SMG6: variants seen among roughly 807,000 people sequenced by gnomAD.
SMG6 encodes SMG6 nonsense mediated mRNA decay factor, also known as telomerase-binding protein EST1A.
A neutral mutation model predicts 142.2 loss-of-function variants in SMG6; 66 were observed. That is an observed-to-expected ratio of 0.46 (90% CI 0.38 to 0.57). The LOEUF is 0.57. SMG6 is among the 20% of genes least tolerant of loss of function. The pLI is 0.00. For synonymous variants in SMG6, 779 were observed against 702.4 expected, an observed-to-expected ratio of 1.11 and a Z score of -1.72; for missense variants, 1,793 against 1,832.0, an observed-to-expected ratio of 0.98 and a Z score of 0.39.
At chr17:2,243,510 A>C (rs981688135) in intron 9 of SMG6, among the ~76,000 whole-genome samples, 1 of 152,146 alleles carries the variant, frequency 6.6e-6, no homozygotes, top group Admixed American at 6.5e-5. Context: ...GTGAAACCCC[A>C]TCTCTGCTAA....
In SMG6 at chr17:2,297,039, GAAAA is replaced by G. The variant is rs1324646421; in HGVS notation, c.2151+200_2151+203del. Reference sequence around the variant, plus strand: ...AAAAAAAAAAAAAGAAAGAAAGAAAGAAAAAAGGCTGGGGAGCACTGCTATATAC... The same window carrying G: ...AAAAAAAAAAAAAGAAAGAAAGAAAGAAGGCTGGGGAGCACTGCTATATAC... On this transcript the variant is annotated intron_variant, in intron 4 of 18. Transcript: ENST00000263073. Among the ~76,000 whole-genome samples the G allele has an allele frequency of 2.8e-5, 4 of 144,262 alleles. No homozygotes were observed. In the East Asian group the frequency reaches 6.1e-4, roughly 22 times the overall value. 94.6% of individuals were successfully genotyped at this position (144,262 alleles called of 152,430 possible).
At chr17:2,271,146 A>ACTC (rs1281956322) in intron 8 of SMG6, among the ~76,000 whole-genome samples, 1 of 134,280 alleles carries the variant, frequency 7.4e-6, no homozygotes, top group Non-Finnish European at 1.6e-5. Flanking sequence ...AGACAGTCTC[A>ACTC]CTCCACAACC....
chr17:2,079,795 C>T lies in SMG6; in HGVS notation c.3681+2015G>A, dbSNP rs2068362229. ...GAATCTGTCTAAAGAATGATGGAGG[C>T]TGGGCGCAGTGGCTCACGCCTGTAA... On this transcript the variant is annotated intron_variant, in intron 15 of 18. Coordinates refer to ENST00000263073, the MANE Select transcript of SMG6 (RefSeq NM_017575.5). 2.6e-5 allele frequency among the ~76,000 whole-genome samples: 4 copies of T among 152,188 alleles called. No homozygotes were observed. In the South Asian group the frequency reaches 8.3e-4, roughly 32 times the overall value.
At chr17:2,156,592 T>C (rs1232112132) in intron 13 of SMG6, among the ~76,000 whole-genome samples, 1 of 152,014 alleles carries the variant, frequency 6.6e-6, no homozygotes, top group Non-Finnish European at 1.5e-5. Flanking sequence ...CTTATGAGCA[T>C]TTACAAATGA....
At chr17:2,297,568 A>G (rs1021852110) in intron 3 of SMG6, among the ~76,000 whole-genome samples, 4 of 148,914 alleles carry the variant, frequency 2.7e-5, no homozygotes, top group African/African-American at 1.0e-4. Context: ...ACATGAACAC[A>G]CACACACACA....
At chr17:2,127,321 T>C (rs1250750784) in intron 13 of SMG6, 3 of 446,798 alleles carry the variant, frequency 6.7e-6, no homozygotes, top group South Asian at 1.9e-5. Flanking sequence ...ATAGTAGTGA[T>C]GGTCGCACAA....
At chr17:2,105,754 T>A (rs370528170) in intron 13 of SMG6, among the ~76,000 whole-genome samples, 1 of 152,208 alleles carries the variant, frequency 6.6e-6, no homozygotes, top group South Asian at 2.1e-4. Context: ...TCACTTAGAT[T>A]CATTTCATTT....
At chr17:2,208,746 TAAG>T (rs1283590642) in intron 10 of SMG6, among the ~76,000 whole-genome samples, 4 of 152,202 alleles carry the variant, frequency 2.6e-5, no homozygotes, top group Middle Eastern at 3.2e-3. Flanking sequence ...AAAAATCTCT[TAAG>T]AAGTTTAAAG....
intron 8 of SMG6, among the ~76,000 whole-genome samples, chr17:2,266,475 C>T (rs1320389660): frequency 2.0e-5 from 3 of 152,118 alleles, no homozygotes; most frequent in African/African-American, 7.2e-5. Context: ...CCTAAAAACA[C>T]AATACACAAA....
Position 2,300,580 on chromosome 17 carries a change from C to G in SMG6, c.173G>C (p.Arg58Pro). ...CTTGATTTTGGGCTTGTTCCTTAGCCGAGAAAGGCCAGGCTTATAGATTTC... is the reference window on the plus strand; with the variant it reads ...CTTGATTTTGGGCTTGTTCCTTAGCGGAGAAAGGCCAGGCTTATAGATTTC... ...DLEIYKPGLSRLRNKPKIKEP... is the reference protein window; with the variant it reads ...DLEIYKPGLSPLRNKPKIKEP... Residue 58 changes from arginine (R) to proline (P), a missense_variant, in exon 2 of 19, where the codon CGG (arginine) becomes CCG (proline). This residue lies in a region of SMG6 where 1,597 missense variants were observed against 1,584.6 expected (regional missense o/e 1.01). Transcript: ENST00000263073. 1 of 1,613,962 alleles carries G rather than the reference C, an allele frequency of 6.2e-7. No homozygotes were observed. Among genetic ancestry groups the G allele is most frequent in the Non-Finnish European group, 8.5e-7 (1 of 1,179,936 alleles).
At chr17:2,201,503 G>A (rs535789133) in intron 10 of SMG6, among the ~76,000 whole-genome samples, 2 of 152,026 alleles carry the variant, frequency 1.3e-5, no homozygotes, top group Admixed American at 6.6e-5. Context: ...AGACTGGCCT[G>A]ATCAACATGG....
intron 8 of SMG6, among the ~76,000 whole-genome samples, chr17:2,275,346 C>T (rs2074625585): frequency 6.6e-6 from 1 of 152,156 alleles, no homozygotes; most frequent in African/African-American, 2.4e-5. Flanking sequence ...CACTTGAACT[C>T]AGGAGGTGGC....
chr17:2,278,841 T>A (rs1009134949), intron 8 of SMG6, among the ~76,000 whole-genome samples: 10 of 152,170 alleles, frequency 6.6e-5, no homozygotes, highest in Non-Finnish European at 1.5e-5. Context: ...TTAAAAGCCC[T>A]CAATACCTGA....
chr17:2,191,219 T>C (rs2072151527), intron 10 of SMG6, among the ~76,000 whole-genome samples: 1 of 152,226 alleles, frequency 6.6e-6, no homozygotes, highest in South Asian at 2.1e-4. Context: ...GCACAGCATC[T>C]TCATGGGCTG....
chr17:2,085,455 A>G lies in SMG6; in HGVS notation c.3534+270T>C, dbSNP rs2068533777. On this transcript the variant is annotated intron_variant, in intron 14 of 18. Transcript: ENST00000263073. The surrounding 1 kb of genome is among the most constrained non-coding windows in gnomAD (Gnocchi z 4.1). ...CTTTCCTAAGCCTCGAGAGCTGCAC[A>G]TTATTCAACTCCTTTCTTTCTTTTC... is the stretch of plus-strand genomic sequence containing the variant. Among the ~76,000 whole-genome samples, 1 of 152,148 alleles carries G rather than the reference A, an allele frequency of 6.6e-6. No individual in the cohort carries two copies. Among genetic ancestry groups the G allele is most frequent in the Non-Finnish European group, 1.5e-5 (1 of 68,022 alleles).
Position 2,172,836 on chromosome 17 carries a change from G to A in SMG6, c.3179C>T (p.Thr1060Met), listed in dbSNP as rs377760165. ...CAGTATGTTACAGAAATCAGCCAGC[G>A]TCGACCATACATCCACAGCAACACT... is the stretch of plus-strand genomic sequence containing the variant. ...PSHVAVDVWSTLADFCNILTA... is the reference protein window; with the variant it reads ...PSHVAVDVWSMLADFCNILTA... The change falls in exon 13 of 19, where the codon ACG becomes ATG. Residue 1060 changes from threonine (T) to methionine (M), a missense_variant. By Grantham distance (81) the Thr-to-Met change is moderately conservative (BLOSUM62 -1). This residue lies in a region of SMG6 where 1,597 missense variants were observed against 1,584.6 expected (regional missense o/e 1.01). Transcript: ENST00000263073. 12 of 1,614,010 alleles carry A rather than the reference G, an allele frequency of 7.4e-6. No homozygotes were observed. The highest frequency in any genetic ancestry group is 1.7e-5 in the Admixed American group (1 of 60,002).
chr17:2,242,328 T>C (rs1283666748), intron 9 of SMG6, among the ~76,000 whole-genome samples: 1 of 127,094 alleles, frequency 7.9e-6, no homozygotes, highest in African/African-American at 3.1e-5. Flanking sequence ...CTGGCTAACG[T>C]AGTAAAACCC....
chr17:2,196,929 T>C (rs2072348206), intron 10 of SMG6, among the ~76,000 whole-genome samples: 3 of 152,238 alleles, frequency 2.0e-5, no homozygotes, highest in South Asian at 4.1e-4. Flanking sequence ...TAGACATCTG[T>C]ATGCAAAAAA....
At chr17:2,298,862 G>C (rs773372876) in intron 2 of SMG6, 44 bp downstream of exon 2, 3 of 1,562,822 alleles carry the variant, frequency 1.9e-6, no homozygotes, top group Non-Finnish European at 2.6e-6. Flanking sequence ...ATACACCTCC[G>C]GCTGATCCCC....
Sources: gnomAD v4.1 joint callset for allele counts (sites outside exome capture counted in the v4.1 genomes callset) on GRCh38, gnomAD v4.1.1 for gene constraint, gnomAD v4.1.1 regional missense constraint, Gnocchi (gnomAD v3.1) non-coding constraint, MANE v1.5 for transcripts, NCBI Gene and HGNC (gene_info 2026-07-23, HGNC 2026-07-21) for gene names.